Variants in FBXL13 observed in about 807,000 individuals in gnomAD.
FBXL13 encodes the protein F-box and leucine rich repeat protein 13.
In FBXL13, 67 loss-of-function variants were observed where a neutral mutation model predicts 83.6. The observed-to-expected ratio is 0.80, with a 90% CI of 0.66 to 0.98. The LOEUF is 0.98. Among genes scored for constraint, FBXL13 ranks in the 50% least tolerant of loss-of-function variants. FBXL13 has a pLI of 0.00. For synonymous variants in FBXL13, 272 were observed against 299.5 expected (o/e 0.91, Z 0.95); for missense variants, 822 against 866.5 (o/e 0.95, Z 0.64).
intron 11 of FBXL13, among the ~76,000 whole-genome samples, chr7:102,897,376 A>G (rs1012473293): frequency 6.6e-6 from 1 of 152,130 alleles, no homozygotes; most frequent in Non-Finnish European, 1.5e-5. Flanking sequence ...AAGTAGGAAA[A>G]GAGAAAAATA....
intron 9 of FBXL13, among the ~76,000 whole-genome samples, chr7:102,930,260 G>C (rs1818922875): frequency 6.6e-6 from 1 of 152,196 alleles, no homozygotes; most frequent in Non-Finnish European, 1.5e-5. Context: ...TCATGGTGGA[G>C]CTGGTGCCTC....
intron 6 of FBXL13, among the ~76,000 whole-genome samples, chr7:102,998,956 T>C (rs1192512746): frequency 6.6e-6 from 1 of 152,212 alleles, no homozygotes; most frequent in Non-Finnish European, 1.5e-5. Flanking sequence ...CAGTACTATG[T>C]TGAATAAAAG....
chr7:103,059,417 C>T (rs544394323), intron 1 of FBXL13, among the ~76,000 whole-genome samples: 1 of 152,250 alleles, frequency 6.6e-6, no homozygotes, highest in South Asian at 2.1e-4. Flanking sequence ...GAATCAATAG[C>T]TTTTTCCCTG....
At chr7:102,986,516 G>A (rs1828971946) in intron 6 of FBXL13, among the ~76,000 whole-genome samples, 3 of 152,160 alleles carry the variant, frequency 2.0e-5, no homozygotes, top group Admixed American at 2.0e-4. Context: ...GCCTTCAAGG[G>A]ACTGTGTCGA....
rs75954489 is a variant in FBXL13 at position 102,838,169 on chromosome 7, C to T, written c.1720-5195G>A. On this transcript the variant is annotated intron_variant, in intron 17 of 19. Coordinates refer to ENST00000313221, the Ensembl canonical transcript of FBXL13. ...CCACTGGCTTGAGTTCAAATCCTTC[C>T]ATGAGATGTTTTGTGTCTCTGGATA... Among the ~76,000 whole-genome samples, 2,147 of 152,282 alleles carry T rather than the reference C, an allele frequency of 0.014. 118 individuals carry two copies. The East Asian group carries it at 0.16, about 11-fold the overall frequency.
At chr7:102,990,891 G>A (rs769495079) in intron 6 of FBXL13, among the ~76,000 whole-genome samples, 1 of 152,258 alleles carries the variant, frequency 6.6e-6, no homozygotes, top group Non-Finnish European at 1.5e-5. Context: ...ATGCAGCTGA[G>A]AGGTAGTGGA....
At chr7:102,966,510 T>C (rs1825979780) in intron 7 of FBXL13, among the ~76,000 whole-genome samples, 1 of 152,172 alleles carries the variant, frequency 6.6e-6, no homozygotes, top group South Asian at 2.1e-4. Context: ...AGAAAGAATA[T>C]ATACAATATT....
In FBXL13 at chr7:102,832,886, A is replaced by AT; in HGVS notation, c.1807dup (p.Ile603AsnfsTer5). 6.2e-7 allele frequency: 1 copy of AT among 1,614,226 alleles called. No homozygotes were observed. Among genetic ancestry groups the AT allele is most frequent in the Non-Finnish European group, 8.5e-7 (1 of 1,180,032 alleles). On this transcript the variant is annotated frameshift_variant, in exon 18 of 20. Coordinates refer to ENST00000313221, the Ensembl canonical transcript of FBXL13. LOFTEE classifies it high-confidence loss of function. ...GAGAGATGTGAGGTTAATGCAGTAA[A>AT]TGGCCAGTGCTTTGATAATCATATC...
chr7:103,021,325 A>T (rs1232709584), intron 6 of FBXL13, among the ~76,000 whole-genome samples: 1 of 152,202 alleles, frequency 6.6e-6, no homozygotes. Context: ...CTTATACAAA[A>T]ATTAATTCAA....
chr7:103,061,932 C>T lies in FBXL13; in HGVS notation c.-104-6185G>A, dbSNP rs1207276305. On this transcript the variant is annotated intron_variant, in intron 1 of 19. Coordinates refer to ENST00000313221, the Ensembl canonical transcript of FBXL13. ...CAGCCTGGGCAACAGAGCAAGACTG[C>T]GTCTCAAAAAAAAAAAAAAAAAAAA... Among the ~76,000 whole-genome samples the T allele has an allele frequency of 4.1e-4, 46 of 113,298 alleles. 1 individual carries two copies. Among genetic ancestry groups the T allele is most frequent in the Non-Finnish European group, 1.2e-4 (7 of 58,964 alleles). The allele number at this position is 113,298 out of a possible 152,430, so 74.3% of individuals were successfully genotyped here.
intron 17 of FBXL13, 38 bp downstream of exon 18, chr7:102,854,739 A>T: frequency 3.1e-6 from 4 of 1,302,850 alleles, no homozygotes; most frequent in Non-Finnish European, 3.2e-6. Flanking sequence ...GAAAAATTTC[A>T]ATCTTAATTC....
At chr7:102,824,717 C>A (rs1799319530) in intron 18 of FBXL13, among the ~76,000 whole-genome samples, 2 of 151,516 alleles carry the variant, frequency 1.3e-5, no homozygotes, top group South Asian at 4.2e-4. Context: ...AACTGATGAC[C>A]TCAAGTGATC....
intron 16 of FBXL13, among the ~76,000 whole-genome samples, chr7:102,855,492 T>G (rs1376835938): frequency 6.6e-6 from 1 of 152,176 alleles, no homozygotes; most frequent in East Asian, 1.9e-4. Flanking sequence ...TTCCCCAAAT[T>G]TACTGGCACA....
At chr7:102,813,189 G>C, downstream of FBXL13, 1 of 738,678 alleles carries the variant, frequency 1.4e-6, no homozygotes, top group Non-Finnish European at 2.2e-6. Flanking sequence ...CTACTGATGT[G>C]TTTGGAAATA....
At chr7:103,055,707 G>A (rs1166094859) in exon 2 of FBXL13, 3 of 1,284,956 alleles carry the variant, frequency 2.3e-6, no homozygotes, top group Admixed American at 2.3e-5. Flanking sequence ...ATACCTCAGC[G>A]GATCCTCAGG....
rs551871861 is a variant in FBXL13, at chr7:102,903,131, T to C, written c.1008+9955A>G. Among the ~76,000 whole-genome samples, 7 of 152,212 alleles carry C rather than the reference T, an allele frequency of 4.6e-5. No individual in the cohort carries two copies. In the South Asian group the frequency reaches 8.3e-4, roughly 18 times the overall value. ...TGTTTCATAGTTTTCATTATAGACC[T>C]CTTTTACTTTTTTGGTTAATTCCTA... On this transcript the variant is annotated intron_variant, in intron 11 of 19. Transcript: ENST00000313221.
intron 2 of FBXL13, among the ~76,000 whole-genome samples, chr7:103,052,756 CTTT>C (rs67278019): frequency 5.2e-5 from 7 of 134,280 alleles, no homozygotes; most frequent in South Asian, 2.4e-4. Flanking sequence ...AATTCCTTTT[CTTT>C]TTTTTTTTTT....
intron 8 of FBXL13, among the ~76,000 whole-genome samples, chr7:102,956,488 C>G (rs1368080004): frequency 2.0e-5 from 3 of 152,148 alleles, no homozygotes; most frequent in African/African-American, 7.2e-5. Flanking sequence ...CAAGGATGTC[C>G]TCTCTCACCA....
chr7:102,971,393 T>A (rs980890965), intron 6 of FBXL13, among the ~76,000 whole-genome samples: 2 of 151,604 alleles, frequency 1.3e-5, no homozygotes, highest in Non-Finnish European at 2.9e-5. Context: ...AGGTTGGGCG[T>A]TCGAGACCAG....
Sources: allele counts gnomAD v4.1 joint callset (sites outside exome capture counted in the v4.1 genomes callset), GRCh38; gene constraint gnomAD v4.1.1; transcripts MANE v1.5; gene names NCBI Gene and HGNC (gene_info 2026-07-23, HGNC 2026-07-21).